The following RASSF5 variants were observed in gnomAD, a reference collection of about 807,000 sequenced individuals.
RASSF5 encodes the protein Ras association domain family member 5.
Under a neutral mutation model 40.5 loss-of-function variants are expected in RASSF5, and 25 were observed. The ratio of observed to expected loss-of-function variants is 0.62; its 90% CI spans 0.45 to 0.86. The LOEUF is 0.86. Ranked by LOEUF, RASSF5 falls within the 40% of genes least tolerant of loss-of-function variation. The pLI is 0.00. For missense variants in RASSF5, 521 were observed against 572.8 expected (o/e 0.91, Z 0.92); for synonymous variants, 246 against 252.4 (o/e 0.97, Z 0.24).
intron 2 of RASSF5, among the ~76,000 whole-genome samples, chr1:206,578,950 G>A (rs943779543): frequency 6.6e-6 from 1 of 152,182 alleles, no homozygotes; most frequent in East Asian, 1.9e-4. Context: ...TCTGCCCTGA[G>A]TTAGGCCCCA....
chr1:206,517,106 C>A (rs534776256), intron 1 of RASSF5, among the ~76,000 whole-genome samples: 1 of 152,172 alleles, frequency 6.6e-6, no homozygotes, highest in East Asian at 1.9e-4. Context: ...TGAGCACAGA[C>A]GTATAAGTGC....
intron 2 of RASSF5, among the ~76,000 whole-genome samples, chr1:206,564,803 A>C (rs1572344869): frequency 6.6e-6 from 1 of 152,320 alleles, no homozygotes; most frequent in Middle Eastern, 3.4e-3. Context: ...CAGAGACAAG[A>C]GGATGAGATA....
In RASSF5 at chr1:206,584,475, C is replaced by T. The variant is rs539554161; in HGVS notation, c.779C>T (p.Ser260Phe). 2.5e-6 allele frequency: 4 copies of T among 1,614,176 alleles called. No individual in the cohort carries two copies. The highest frequency in any genetic ancestry group is 3.3e-5 in the Admixed American group (2 of 60,020). ...VTVPAGIRPQSIYDAIKEVNL... is the reference protein window; with the variant it reads ...VTVPAGIRPQFIYDAIKEVNL... The stretch of plus-strand genomic sequence containing the variant: ...GTGCCTGCTGGGATCCGGCCCCAGT[C>T]CATCTATGATGCCATCAAGGAGGTG... The change falls in exon 4 of 6, where the codon TCC becomes TTC. Residue 260 changes from serine (S) to phenylalanine (F), a missense_variant. Ser to Phe is a radical substitution (Grantham distance 155). Around this residue, in one of 2 missense-constraint regions of RASSF5, gnomAD observed 284 missense variants for 360.8 expected, o/e 0.79. Transcript: ENST00000579436. The surrounding 1 kb of genome is among the most constrained non-coding windows in gnomAD (Gnocchi z 4.9).
chr1:206,511,054 T>G (rs1382715455), intron 1 of RASSF5, among the ~76,000 whole-genome samples: 1 of 152,208 alleles, frequency 6.6e-6, no homozygotes, highest in Non-Finnish European at 1.5e-5. Context: ...CTTACCCCAC[T>G]TCAAGGTCTG....
chr1:206,568,302 C>T (rs553779145), intron 2 of RASSF5, among the ~76,000 whole-genome samples: 3 of 152,306 alleles, frequency 2.0e-5, no homozygotes, highest in East Asian at 3.9e-4. Context: ...GACTGCCAGC[C>T]CAGGGTGGGG....
At chr1:206,564,196 G>C (rs1287100949) in intron 2 of RASSF5, among the ~76,000 whole-genome samples, 1 of 152,084 alleles carries the variant, frequency 6.6e-6, no homozygotes, top group African/African-American at 2.4e-5. Context: ...GGGCCTGGTA[G>C]GGATTCTAGA....
At chr1:206,576,243 C>T (rs1553405174) in intron 2 of RASSF5, among the ~76,000 whole-genome samples, 1 of 152,208 alleles carries the variant, frequency 6.6e-6, no homozygotes, top group Non-Finnish European at 1.5e-5. Flanking sequence ...ATGGATTTAA[C>T]ATTAGCCAGC....
chr1:206,508,537 A>G (rs1468609791), intron 1 of RASSF5, among the ~76,000 whole-genome samples: 2 of 152,142 alleles, frequency 1.3e-5, no homozygotes, highest in Non-Finnish European at 2.9e-5. Context: ...CGCCCATGGT[A>G]CAGGCTCAGA....
rs1668107981 is a variant in RASSF5 at position 206,560,481 on chromosome 1, GA to G, written c.579+22192del. Among the ~76,000 whole-genome samples, 1 of 152,230 alleles carries G rather than the reference GA, an allele frequency of 6.6e-6. No homozygotes were observed. Among genetic ancestry groups the G allele is most frequent in the Non-Finnish European group, 1.5e-5 (1 of 68,038 alleles). On this transcript the variant is annotated intron_variant, in intron 2 of 5. Coordinates refer to ENST00000579436, the MANE Select transcript of RASSF5 (RefSeq NM_182663.4). This position sits in a 1 kb window ranked among gnomAD's most constrained non-coding sequence, Gnocchi z 5.1. ...GGCCCTAGCTTGGTCTCTCTTTTCA[GA>G]AAATGGCAGTTTCCTGGGGCCACGT...
chr1:206,512,444 G>A (rs1666641914), intron 1 of RASSF5, among the ~76,000 whole-genome samples: 1 of 152,164 alleles, frequency 6.6e-6, no homozygotes, highest in Non-Finnish European at 1.5e-5. Context: ...TTGAATCCCA[G>A]GTACAGTCAA....
rs1553407239 is a variant in RASSF5, at chr1:206,584,761, G to A, written c.988+77G>A. ...AGCCCACCCACTAAAACTCCTGCCG[G>A]CCTTGGGTGGGAGCTGTGGGCTTCT... On this transcript the variant is annotated intron_variant, in intron 4 of 5. Coordinates refer to ENST00000579436, the MANE Select transcript of RASSF5 (RefSeq NM_182663.4). This position sits in a 1 kb window ranked among gnomAD's most constrained non-coding sequence, Gnocchi z 4.9. The A allele has an allele frequency of 6.6e-7, 1 of 1,505,078 alleles. No homozygotes were observed. The highest frequency in any genetic ancestry group is 9.1e-7 in the Non-Finnish European group (1 of 1,099,786). The allele number at this position is 1,505,078 out of a possible 1,614,324, so 93.2% of individuals were successfully genotyped here. A position where few individuals can be genotyped will look rare whatever the true frequency, so the allele number is the denominator to read the frequency against.
At chr1:206,524,640 T>G (rs868930494) in intron 1 of RASSF5, among the ~76,000 whole-genome samples, 7 of 133,782 alleles carry the variant, frequency 5.2e-5, no homozygotes, top group Non-Finnish European at 1.1e-4. Context: ...ATATATAAAA[T>G]ATATATTATA....
At chr1:206,573,873 A>G (rs1668541116) in intron 2 of RASSF5, among the ~76,000 whole-genome samples, 1 of 152,234 alleles carries the variant, frequency 6.6e-6, no homozygotes, top group Admixed American at 6.5e-5. Context: ...TCGGAGTCTT[A>G]GTGAGGTGGA....
chr1:206,579,399 C>T lies in RASSF5; in HGVS notation c.580-3870C>T, dbSNP rs528488513. On this transcript the variant is annotated intron_variant, in intron 2 of 5. Coordinates refer to ENST00000579436, the MANE Select transcript of RASSF5 (RefSeq NM_182663.4). This position sits in a 1 kb window ranked among gnomAD's most constrained non-coding sequence, Gnocchi z 4.2. ...TGTCTGCTTGGTTTCTCGCTTTGTA[C>T]CCGTGGACAGATCCTTAAGAATCTG... Among the ~76,000 whole-genome samples the T allele has an allele frequency of 2.0e-5, 3 of 152,310 alleles. No individual in the cohort carries two copies. The highest frequency in any genetic ancestry group is 2.1e-4 in the South Asian group (1 of 4,832).
At position 206,507,981 on chromosome 1, in the gene RASSF5, G is replaced by A; in HGVS notation, c.379G>A (p.Glu127Lys). ...GCGAGGCGAGGGGCACTGCTTCGCC[G>A]AGTTGGTGCTGCCGGGCGGCCCCGG... ...AERGEGHCFA[E>K]LVLPGGPGWC... The change falls in exon 1 of 6, where the codon GAG becomes AAG. Residue 127 changes from glutamate (E) to lysine (K), a missense_variant. Physicochemically the swap from Glu to Lys is moderately conservative, Grantham distance 56 (BLOSUM62 1). Coordinates refer to ENST00000579436, the MANE Select transcript of RASSF5 (RefSeq NM_182663.4). 6.5e-7 allele frequency: 1 copy of A among 1,534,282 alleles called. No individual in the cohort carries two copies. Among genetic ancestry groups the A allele is most frequent in the Non-Finnish European group, 8.7e-7 (1 of 1,147,174 alleles).
At chr1:206,562,789 C>G (rs1208965750) in intron 2 of RASSF5, among the ~76,000 whole-genome samples, 1 of 152,078 alleles carries the variant, frequency 6.6e-6, no homozygotes, top group Non-Finnish European at 1.5e-5. Flanking sequence ...AAAAATTAGC[C>G]AGGCGTGGTG....
intron 1 of RASSF5, chr1:206,529,702 G>A (rs982790825): frequency 1.7e-5 from 12 of 716,074 alleles, no homozygotes; most frequent in East Asian, 7.7e-5. Context: ...ACTAAACCGG[G>A]TTAAATGCAC....
chr1:206,529,275 G>T, intron 1 of RASSF5: 1 of 968,574 alleles, frequency 1.0e-6, no homozygotes, highest in South Asian at 1.4e-5. Flanking sequence ...GAGAGCTGCC[G>T]GCAAAGGGGA....
At chr1:206,549,948 A>G (rs1393360395) in intron 2 of RASSF5, among the ~76,000 whole-genome samples, 1 of 152,178 alleles carries the variant, frequency 6.6e-6, no homozygotes, top group Non-Finnish European at 1.5e-5. Context: ...CACGCAGGTG[A>G]ATACTATAGG....
Sources: allele counts gnomAD v4.1 joint callset (sites outside exome capture counted in the v4.1 genomes callset), GRCh38; gene constraint gnomAD v4.1.1; regional missense constraint gnomAD v4.1.1; non-coding constraint Gnocchi (gnomAD v3.1); transcripts MANE v1.5; gene names NCBI Gene and HGNC (gene_info 2026-07-23, HGNC 2026-07-21).